Variants in SORCS2 observed in about 807,000 individuals in gnomAD.
SORCS2 encodes sortilin related VPS10 domain containing receptor 2.
SORCS2 carries 100 observed loss-of-function variants against 141.6 expected under a neutral mutation model. The observed-to-expected ratio is 0.71, with a 90% CI of 0.60 to 0.83. The LOEUF (loss-of-function observed/expected upper bound fraction) is 0.83, where lower values mean the gene tolerates loss of function less well. SORCS2 is among the 40% of genes least tolerant of loss of function. The probability of loss-of-function intolerance (pLI) is 0.00; values close to 1 mark genes in which losing one functional copy is unlikely to be tolerated. For synonymous variants in SORCS2, 789 were observed against 676.9 expected (o/e 1.17, Z -2.57); for missense variants, 1,646 against 1,560.2 (o/e 1.05, Z -0.93).
chr4:7,637,652 C>T (rs1214001026), intron 3 of SORCS2, among the ~76,000 whole-genome samples: 3 of 152,014 alleles, frequency 2.0e-5, no homozygotes, highest in Admixed American at 6.5e-5. Context: ...GCCATTTCTG[C>T]AGCACCCCCT....
At chr4:7,527,840 T>C (rs1164649236) in intron 2 of SORCS2, among the ~76,000 whole-genome samples, 2 of 151,968 alleles carry the variant, frequency 1.3e-5, no homozygotes, top group Admixed American at 1.3e-4. Flanking sequence ...TTTAAAAGCT[T>C]TAGGAGGAAA....
Position 7,489,541 on chromosome 4 carries a change from C to T in SORCS2, c.549-41989C>T, listed in dbSNP as rs191744022. Among the ~76,000 whole-genome samples, 71 of 152,166 alleles carry T rather than the reference C, an allele frequency of 4.7e-4. No individual in the cohort carries two copies. In the East Asian group the frequency reaches 0.013, roughly 27 times the overall value. On this transcript the variant is annotated intron_variant, in intron 2 of 26. Transcript: ENST00000507866. ...TGTAAACTGTCCCCGGCCCTCCTGG[C>T]CCCTGCAGATGTTATCTGGTATCTG...
chr4:7,359,935 G>A (rs535648028), intron 1 of SORCS2, among the ~76,000 whole-genome samples: 4 of 152,150 alleles, frequency 2.6e-5, no homozygotes, highest in East Asian at 1.9e-4. Flanking sequence ...TGCTCTTCAC[G>A]GGGAAAGGAA....
chr4:7,244,787 A>T (rs1712965611), intron 1 of SORCS2, among the ~76,000 whole-genome samples: 1 of 152,226 alleles, frequency 6.6e-6, no homozygotes, highest in Non-Finnish European at 1.5e-5. Flanking sequence ...TGGGAAAAGG[A>T]GGCTGCAGCC....
chr4:7,407,318 TC>T (rs1725028841), intron 2 of SORCS2, among the ~76,000 whole-genome samples: 1 of 152,106 alleles, frequency 6.6e-6, no homozygotes, highest in Non-Finnish European at 1.5e-5. Context: ...GTCTATCTCT[TC>T]CTTTAGATTT....
At chr4:7,607,747 A>T (rs1164494098) in intron 3 of SORCS2, among the ~76,000 whole-genome samples, 1 of 152,120 alleles carries the variant, frequency 6.6e-6, no homozygotes, top group African/African-American at 2.4e-5. Flanking sequence ...CATAGTTCCC[A>T]TGCTTGTTGA....
chr4:7,520,707 G>C (rs954072658), intron 2 of SORCS2, among the ~76,000 whole-genome samples: 1 of 152,226 alleles, frequency 6.6e-6, no homozygotes, highest in African/African-American at 2.4e-5. Context: ...CAGAAAATCA[G>C]TTGCCTCTGT....
At chr4:7,467,496 C>A (rs1197961719) in intron 2 of SORCS2, among the ~76,000 whole-genome samples, 2 of 152,218 alleles carry the variant, frequency 1.3e-5, no homozygotes, top group Non-Finnish European at 2.9e-5. Context: ...ACATCTCATT[C>A]ATAAGGTGAC....
chr4:7,438,477 C>T (rs1727447588), intron 2 of SORCS2, among the ~76,000 whole-genome samples: 1 of 152,292 alleles, frequency 6.6e-6, no homozygotes, highest in South Asian at 2.1e-4. Flanking sequence ...AAATATGTAA[C>T]TATCTTGTTC....
intron 1 of SORCS2, among the ~76,000 whole-genome samples, chr4:7,356,229 C>A (rs995009274): frequency 4.6e-5 from 7 of 152,248 alleles, no homozygotes; most frequent in African/African-American, 1.4e-4. Flanking sequence ...TTCTCACCAC[C>A]AGATACAGTA....
chr4:7,381,376 G>A (rs965066848), intron 1 of SORCS2, among the ~76,000 whole-genome samples: 21 of 152,308 alleles, frequency 1.4e-4, no homozygotes, highest in Non-Finnish European at 2.9e-4. Flanking sequence ...TTCCCCAGAA[G>A]AAGAGCACAC....
intron 3 of SORCS2, among the ~76,000 whole-genome samples, chr4:7,612,929 C>G (rs951285194): frequency 1.3e-4 from 10 of 78,360 alleles, no homozygotes; most frequent in African/African-American, 4.3e-4. Flanking sequence ...GGGGAGGAGA[C>G]GCCATTCTTC....
intron 1 of SORCS2, among the ~76,000 whole-genome samples, chr4:7,320,172 C>T (rs73208466): frequency 0.25 from 37,494 of 152,148 alleles, 4,954 homozygotes; most frequent in Middle Eastern, 0.3. Flanking sequence ...TAAAAAGATA[C>T]GGAAATATAT....
intron 1 of SORCS2, among the ~76,000 whole-genome samples, chr4:7,272,528 G>C (rs1438415204): frequency 6.6e-6 from 1 of 152,182 alleles, no homozygotes; most frequent in Non-Finnish European, 1.5e-5. Context: ...TTTATGTTCT[G>C]GGGGCTTAAG....
intron 4 of SORCS2, among the ~76,000 whole-genome samples, chr4:7,649,400 C>G (rs1208304774): frequency 1.3e-5 from 2 of 151,788 alleles, no homozygotes; most frequent in East Asian, 3.9e-4. Context: ...TTTTTGGAGG[C>G]CACACCTCTC....
chr4:7,516,117 C>A (rs1241272182), intron 2 of SORCS2, among the ~76,000 whole-genome samples: 3 of 152,204 alleles, frequency 2.0e-5, no homozygotes, highest in Non-Finnish European at 4.4e-5. Flanking sequence ...TTTACCGGTA[C>A]TCACTCCATG....
intron 2 of SORCS2, among the ~76,000 whole-genome samples, chr4:7,491,267 G>T (rs911505939): frequency 1.1e-4 from 17 of 152,110 alleles, no homozygotes; most frequent in Non-Finnish European, 2.2e-4. Context: ...CTCCAGCATG[G>T]GTTACTCGTA....
chr4:7,531,580 T>A lies in SORCS2; in HGVS notation c.599T>A (p.Val200Asp), dbSNP rs1319595149. The A allele has an allele frequency of 6.2e-7, 1 of 1,613,756 alleles. No homozygotes were observed. Among genetic ancestry groups the A allele is most frequent in the Non-Finnish European group, 8.5e-7 (1 of 1,179,860 alleles). Reference protein sequence around the residue: ...SYTKLTLQPGVTTVIDNFYIC... With the variant: ...SYTKLTLQPGDTTVIDNFYIC... ...ACCAAGCTCACCCTCCAGCCTGGTG[T>A]CACCACCGTCATCGACAATTTCTAC... The change falls in exon 3 of 27, where the codon GTC (valine) becomes GAC (aspartate). Residue 200 changes from valine to aspartate, a missense_variant. Val to Asp is a radical substitution (Grantham distance 152). Coordinates refer to ENST00000507866, the MANE Select transcript of SORCS2 (RefSeq NM_020777.3).
intron 1 of SORCS2, among the ~76,000 whole-genome samples, chr4:7,373,547 C>G (rs1302717511): frequency 7.8e-6 from 1 of 127,952 alleles, no homozygotes; most frequent in Non-Finnish European, 1.6e-5. Context: ...TGCCGGAATG[C>G]AGTGTCATGA....
Sources: gnomAD v4.1 joint callset for allele counts (sites outside exome capture counted in the v4.1 genomes callset) on GRCh38, gnomAD v4.1.1 for gene constraint, MANE v1.5 for transcripts, NCBI Gene and HGNC (gene_info 2026-07-23, HGNC 2026-07-21) for gene names.